Variants in PITPNC1 observed in about 807,000 individuals in gnomAD.
PITPNC1 encodes the protein cytoplasmic phosphatidylinositol transfer protein 1.
Under a neutral mutation model 44.7 loss-of-function variants are expected in PITPNC1, and 18 were observed. The ratio of observed to expected loss-of-function variants is 0.40; its 90% CI spans 0.28 to 0.60. The LOEUF is 0.60. PITPNC1 is among the 20% of genes least tolerant of loss of function. The probability of loss-of-function intolerance (pLI) is 0.39; values close to 1 mark genes in which losing one functional copy is unlikely to be tolerated. For synonymous variants in PITPNC1, 141 were observed against 149.6 expected (o/e 0.94, Z 0.42); for missense variants, 290 against 418.4 (o/e 0.69, Z 2.68).
intron 1 of PITPNC1, among the ~76,000 whole-genome samples, chr17:67,414,148 A>C (rs907598559): frequency 2.6e-5 from 4 of 152,000 alleles, no homozygotes; most frequent in African/African-American, 9.7e-5. Context: ...ATGTACCCTC[A>C]ACCCAGCCTT....
intron 2 of PITPNC1, among the ~76,000 whole-genome samples, chr17:67,544,583 T>C (rs2040652603): frequency 6.6e-6 from 1 of 152,268 alleles, no homozygotes; most frequent in Non-Finnish European, 1.5e-5. Context: ...AATGCCTGAA[T>C]TGATTTTCAG....
chr17:67,519,322 G>A (rs369883112), intron 1 of PITPNC1, among the ~76,000 whole-genome samples: 5 of 151,728 alleles, frequency 3.3e-5, no homozygotes, highest in Admixed American at 1.3e-4. Context: ...GACTACAGGC[G>A]TGCACCACCA....
At chr17:67,436,613 C>T (rs1033437200) in intron 1 of PITPNC1, among the ~76,000 whole-genome samples, 1 of 152,080 alleles carries the variant, frequency 6.6e-6, no homozygotes, top group Non-Finnish European at 1.5e-5. Flanking sequence ...CAATGGGAGC[C>T]ACTGAGAGTT....
At chr17:67,479,117 C>A (rs1490448839) in intron 1 of PITPNC1, among the ~76,000 whole-genome samples, 2 of 152,144 alleles carry the variant, frequency 1.3e-5, no homozygotes, top group African/African-American at 4.8e-5. Context: ...CAGCAACTCC[C>A]CAACCCTACC....
intron 1 of PITPNC1, chr17:67,408,717 CCTTCCTTCCTTCCTTTCTTTCTTTCTCT>C (rs2038441343): frequency 1.1e-5 from 1 of 94,692 alleles, no homozygotes; most frequent in African/African-American, 3.9e-5. Flanking sequence ...TTCCTTCCTT[CCTTCCTTCCTTCCTTTCTTTCTTTCTCT>C]CTTTCTTTCT....
chr17:67,658,737 G>A lies in PITPNC1; in HGVS notation c.463-10771G>A, dbSNP rs532861205. ...GTCTCCTACATCTCTGGGTTACCAGGAGCTTGGACTCCTGCTTTCCTCTAC... is the reference window on the plus strand; with the variant it reads ...GTCTCCTACATCTCTGGGTTACCAGAAGCTTGGACTCCTGCTTTCCTCTAC... On this transcript the variant is annotated intron_variant, in intron 6 of 8. Transcript: ENST00000581322. Among the ~76,000 whole-genome samples the A allele has an allele frequency of 2.0e-5, 3 of 152,126 alleles. No homozygotes were observed. The South Asian group carries it at 6.2e-4, about 32-fold the overall frequency.
chr17:67,550,778 T>C (rs2040750050), intron 2 of PITPNC1, among the ~76,000 whole-genome samples: 1 of 152,092 alleles, frequency 6.6e-6, no homozygotes, highest in Non-Finnish European at 1.5e-5. Context: ...AATGAAATCA[T>C]GGGCCGGGCG....
intron 4 of PITPNC1, among the ~76,000 whole-genome samples, chr17:67,573,776 G>T (rs1266859539): frequency 6.6e-6 from 1 of 151,886 alleles, no homozygotes; most frequent in Non-Finnish European, 1.5e-5. Flanking sequence ...GGCCAGCCTG[G>T]TCTTGAACTC....
intron 1 of PITPNC1, among the ~76,000 whole-genome samples, chr17:67,422,545 CTTTCTTTT>C (rs1318084932): frequency 6.6e-6 from 1 of 152,028 alleles, no homozygotes; most frequent in African/African-American, 2.4e-5. Flanking sequence ...TGCTCACTGT[CTTTCTTTT>C]TTTCTTTTTT....
chr17:67,636,281 CAAAAAAAAA>C (rs4020398), intron 6 of PITPNC1, among the ~76,000 whole-genome samples: 1 of 77,348 alleles, frequency 1.3e-5, no homozygotes, highest in East Asian at 4.6e-4. Context: ...GACTCCGTTT[CAAAAAAAAA>C]AAAAAAAAAA....
intron 6 of PITPNC1, among the ~76,000 whole-genome samples, chr17:67,632,916 GCTC>G (rs911646749): frequency 1.3e-5 from 2 of 152,140 alleles, no homozygotes; most frequent in African/African-American, 4.8e-5. Flanking sequence ...TTCCAGCACA[GCTC>G]CTTTCTCTCA....
chr17:67,575,823 C>CTTTCT (rs1568047752), intron 4 of PITPNC1, among the ~76,000 whole-genome samples: 14 of 63,420 alleles, frequency 2.2e-4, no homozygotes, highest in African/African-American at 7.6e-4. Flanking sequence ...TCTTTCTTTC[C>CTTTCT]TTCCTTCCTT....
At chr17:67,378,550 G>C (rs2037906043) in intron 1 of PITPNC1, among the ~76,000 whole-genome samples, 1 of 152,096 alleles carries the variant, frequency 6.6e-6, no homozygotes, top group African/African-American at 2.4e-5. Context: ...GCTGTAGCTG[G>C]GGTTTGGGGG....
chr17:67,530,178 G>A (rs906095496), intron 1 of PITPNC1, among the ~76,000 whole-genome samples: 18 of 134,080 alleles, frequency 1.3e-4, no homozygotes, highest in East Asian at 5.1e-4. Context: ...TGCAAGCTCC[G>A]CCTCCTGGGT....
At chr17:67,384,428 CTT>C (rs60147017) in intron 1 of PITPNC1, among the ~76,000 whole-genome samples, 7 of 142,732 alleles carry the variant, frequency 4.9e-5, no homozygotes, top group African/African-American at 2.6e-5. Context: ...TCCTTGTTCT[CTT>C]TTTTTTTTTT....
rs561024143 is a variant in PITPNC1, at chr17:67,667,994, C to A, written c.463-1514C>A. 2.8e-4 allele frequency among the ~76,000 whole-genome samples: 42 copies of A among 151,890 alleles called. 1 individual carries two copies. In the South Asian group the frequency reaches 5.4e-3, roughly 20 times the overall value. On this transcript the variant is annotated intron_variant, in intron 6 of 8. Coordinates refer to ENST00000581322, the MANE Select transcript of PITPNC1 (RefSeq NM_012417.4). ...GACTCCATCTCAAAAACAACAACAA[C>A]AAAAAAACCCTTTTACCTGTTTTTT...
chr17:67,471,154 A>G (rs2039521009), intron 1 of PITPNC1, among the ~76,000 whole-genome samples: 2 of 126,118 alleles, frequency 1.6e-5, no homozygotes, highest in South Asian at 5.7e-4. Context: ...TTGTCCCATG[A>G]CCCTGCCAAA....
intron 5 of PITPNC1, among the ~76,000 whole-genome samples, chr17:67,598,466 G>A (rs761690514): frequency 1.2e-4 from 19 of 152,166 alleles, no homozygotes; most frequent in Non-Finnish European, 2.8e-4. Flanking sequence ...CCTAATCACC[G>A]CAAGGTGATG....
chr17:67,531,903 C>T (rs988479266), intron 1 of PITPNC1, among the ~76,000 whole-genome samples: 1 of 152,186 alleles, frequency 6.6e-6, no homozygotes, highest in Non-Finnish European at 1.5e-5. Flanking sequence ...CTCTCTCCCC[C>T]TCCCCTCTCT....
Sources: gnomAD v4.1 joint callset for allele counts (sites outside exome capture counted in the v4.1 genomes callset) on GRCh38, gnomAD v4.1.1 for gene constraint, MANE v1.5 for transcripts, NCBI Gene and HGNC (gene_info 2026-07-23, HGNC 2026-07-21) for gene names.